Variants in INSR observed in about 807,000 individuals in gnomAD.
INSR encodes the protein IR.
A neutral mutation model predicts 142.6 loss-of-function variants in INSR; 67 were observed. That is an observed-to-expected ratio of 0.47 (90% CI 0.39 to 0.58). The LOEUF (loss-of-function observed/expected upper bound fraction) is 0.58. Among genes scored for constraint, INSR ranks in the 20% least tolerant of loss-of-function variants. The pLI, the probability that INSR is intolerant of heterozygous loss-of-function variation, is 0.00. For synonymous variants in INSR, 756 were observed against 743.1 expected (o/e 1.02, Z -0.28); for missense variants, 1,248 against 1,833.2 (o/e 0.68, Z 5.83).
At chr19:7,181,034 G>A (rs12973862) in intron 3 of INSR, among the ~76,000 whole-genome samples, 22 of 151,718 alleles carry the variant, frequency 1.5e-4, no homozygotes, top group Admixed American at 1.2e-3. Flanking sequence ...TCCACCTCCC[G>A]GGTTCAAGCA....
At chr19:7,221,566 GT>G (rs1975618062) in intron 2 of INSR, among the ~76,000 whole-genome samples, 1 of 152,000 alleles carries the variant, frequency 6.6e-6, no homozygotes, top group Non-Finnish European at 1.5e-5. Flanking sequence ...AAATGAGCCG[GT>G]TGTGGTGGCA....
At chr19:7,198,176 G>C (rs780656725) in intron 2 of INSR, among the ~76,000 whole-genome samples, 3 of 151,790 alleles carry the variant, frequency 2.0e-5, no homozygotes, top group Non-Finnish European at 2.9e-5. Context: ...ACTCCGCTCC[G>C]GGGAATCCGG....
At chr19:7,238,436 A>G (rs963075116) in intron 2 of INSR, among the ~76,000 whole-genome samples, 1 of 152,004 alleles carries the variant, frequency 6.6e-6, no homozygotes, top group African/African-American at 2.4e-5. Flanking sequence ...CCTGGCCAAC[A>G]TGGTGAAACC....
chr19:7,156,782 CTTTTTTTT>C (rs746400499), intron 9 of INSR, among the ~76,000 whole-genome samples: 51 of 63,228 alleles, frequency 8.1e-4, no homozygotes, highest in Middle Eastern at 0.019. Context: ...CTATTTCTCT[CTTTTTTTT>C]TTTTTTTTTT....
intron 9 of INSR, among the ~76,000 whole-genome samples, chr19:7,154,147 C>A (rs909511841): frequency 1.3e-5 from 2 of 151,432 alleles, no homozygotes; most frequent in East Asian, 3.9e-4. Context: ...GGTGACAGAG[C>A]GAGACTCCGT....
At chr19:7,232,962 G>A (rs1424939443) in intron 2 of INSR, among the ~76,000 whole-genome samples, 3 of 152,146 alleles carry the variant, frequency 2.0e-5, no homozygotes, top group East Asian at 1.9e-4. Context: ...TCCTCACAAC[G>A]AGCTTGTGAT....
intron 9 of INSR, 55 bp downstream of exon 9, chr19:7,162,977 C>T (rs1568457453): frequency 1.3e-6 from 2 of 1,586,226 alleles, no homozygotes; most frequent in Non-Finnish European, 1.7e-6. Flanking sequence ...AAGCAAAGTG[C>T]ATCAGACACA....
intron 2 of INSR, among the ~76,000 whole-genome samples, chr19:7,213,246 A>T (rs767076541): frequency 5.4e-5 from 8 of 148,374 alleles, no homozygotes; most frequent in Non-Finnish European, 8.9e-5. Context: ...TGGCAGGCTG[A>T]GGCAGGAGAA....
chr19:7,172,860 C>T (rs1379959861), intron 4 of INSR, among the ~76,000 whole-genome samples: 1 of 136,200 alleles, frequency 7.3e-6, no homozygotes, highest in African/African-American at 2.9e-5. Flanking sequence ...TGGTGAAACC[C>T]TGTCTCTACT....
intron 1 of INSR, among the ~76,000 whole-genome samples, chr19:7,272,059 C>T (rs1442329822): frequency 2.0e-5 from 3 of 152,134 alleles, no homozygotes; most frequent in Admixed American, 2.0e-4. Context: ...AATCCCAGCA[C>T]TGCGGGAGGC....
rs77916568 is a variant in INSR, at chr19:7,147,817, C to G, written c.2267+2680G>C. Among the ~76,000 whole-genome samples, 7 of 152,192 alleles carry G rather than the reference C, an allele frequency of 4.6e-5. No homozygotes were observed. In the East Asian group the frequency reaches 1.4e-3, roughly 29 times the overall value. ...ACTGAGAAATTGGTATCTCAACAACCAGAGATGTAAAATGGGCTCATCAAA... is the reference window on the plus strand; with the variant it reads ...ACTGAGAAATTGGTATCTCAACAACGAGAGATGTAAAATGGGCTCATCAAA... On this transcript the variant is annotated intron_variant, in intron 11 of 21. Coordinates refer to ENST00000302850, the MANE Select transcript of INSR (RefSeq NM_000208.4).
chr19:7,149,679 G>C (rs1973276325), intron 11 of INSR, among the ~76,000 whole-genome samples: 1 of 151,966 alleles, frequency 6.6e-6, no homozygotes. Flanking sequence ...AAAATTAGCC[G>C]GGCGTGGTGG....
chr19:7,242,494 A>G, intron 2 of INSR, among the ~76,000 whole-genome samples: 1 of 145,774 alleles, frequency 6.9e-6, no homozygotes, highest in African/African-American at 2.8e-5. Context: ...CCAGCATTTG[A>G]AAGGCTGAGG....
At chr19:7,272,236 T>G (rs2145220381) in intron 1 of INSR, among the ~76,000 whole-genome samples, 1 of 149,800 alleles carries the variant, frequency 6.7e-6, no homozygotes, top group African/African-American at 2.5e-5. Flanking sequence ...AACCAGAGAG[T>G]TGGAGGTTTC....
At chr19:7,253,887 G>A (rs903005638) in intron 2 of INSR, among the ~76,000 whole-genome samples, 2 of 151,832 alleles carry the variant, frequency 1.3e-5, no homozygotes, top group Admixed American at 6.6e-5. Context: ...AAAATCAGCC[G>A]GGCGTGGTGG....
intron 2 of INSR, among the ~76,000 whole-genome samples, chr19:7,206,025 C>T (rs1487865434): frequency 1.3e-5 from 2 of 152,154 alleles, no homozygotes; most frequent in Admixed American, 6.6e-5. Flanking sequence ...TTCTGTGCCT[C>T]GGTTTCCCCA....
intron 2 of INSR, among the ~76,000 whole-genome samples, chr19:7,223,941 CA>C (rs758275396): frequency 3.7e-5 from 5 of 133,904 alleles, no homozygotes; most frequent in Non-Finnish European, 6.7e-5. Flanking sequence ...TAGACTGGAA[CA>C]AAAAAAAATT....
chr19:7,154,912 G>A (rs74744220), intron 9 of INSR, among the ~76,000 whole-genome samples: 4,107 of 151,856 alleles, frequency 0.027, 63 homozygotes, highest in Non-Finnish European at 0.036. Context: ...CGACAACAGC[G>A]AGACTCTGTC....
At chr19:7,162,965 T>C (rs939257742) in intron 9 of INSR, 67 bp downstream of exon 9, 1 of 1,503,938 alleles carries the variant, frequency 6.6e-7, no homozygotes. Context: ...TCCCTAGAGG[T>C]GAAGCAAAGT....
Sources: gnomAD v4.1 joint callset for allele counts (sites outside exome capture counted in the v4.1 genomes callset) on GRCh38, gnomAD v4.1.1 for gene constraint, MANE v1.5 for transcripts, NCBI Gene and HGNC (gene_info 2026-07-23, HGNC 2026-07-21) for gene names.